Variants in GAP43 observed in about 807,000 individuals in gnomAD.
The protein encoded by GAP43 is growth associated protein 43.
A neutral mutation model predicts 18.6 loss-of-function variants in GAP43; 6 were observed. That is an observed-to-expected ratio of 0.32 (90% CI 0.18 to 0.64). GAP43 has a LOEUF of 0.64. Among genes scored for constraint, GAP43 ranks in the 30% least tolerant of loss-of-function variants. The pLI, the probability that GAP43 is intolerant of heterozygous loss-of-function variation, is 0.78. For missense variants in GAP43, 292 were observed against 295.5 expected, an observed-to-expected ratio of 0.99 and a Z score of 0.09; for synonymous variants, 115 against 111.4, an observed-to-expected ratio of 1.03 and a Z score of -0.20.
chr3:115,718,727 C>T (rs534132774), intron 2 of GAP43, among the ~76,000 whole-genome samples: 3 of 152,260 alleles, frequency 2.0e-5, no homozygotes, highest in South Asian at 2.1e-4. Context: ...AATTACCCAT[C>T]GTAGCTGCTT....
At chr3:115,635,362 A>C (rs568294336) in intron 1 of GAP43, among the ~76,000 whole-genome samples, 1 of 152,266 alleles carries the variant, frequency 6.6e-6, no homozygotes, top group African/African-American at 2.4e-5. Flanking sequence ...TTGTGCATCC[A>C]TAATGTTGGA....
In GAP43 at chr3:115,663,896, T is replaced by C. The variant is rs909130489; in HGVS notation, c.31-12117T>C. 6 of 1,551,992 alleles carry C rather than the reference T, an allele frequency of 3.9e-6. No homozygotes were observed. In the African/African-American group the frequency reaches 8.2e-5, roughly 21 times the overall value. On this transcript the variant is annotated intron_variant, in intron 1 of 2. Coordinates refer to ENST00000305124, the MANE Select transcript of GAP43 (RefSeq NM_002045.4). Reference sequence around the variant, plus strand: ...ACCTAGTCCTTATTCACTTGGCTTCTTGACTTTCTGGATTTCAAGGGTAAT... The same window carrying C: ...ACCTAGTCCTTATTCACTTGGCTTCCTGACTTTCTGGATTTCAAGGGTAAT...
At chr3:115,708,595 A>G (rs1303545183) in intron 2 of GAP43, among the ~76,000 whole-genome samples, 4 of 152,338 alleles carry the variant, frequency 2.6e-5, no homozygotes, top group Non-Finnish European at 5.9e-5. Flanking sequence ...GCCTGATCCA[A>G]CAGAGAGCTC....
intron 2 of GAP43, among the ~76,000 whole-genome samples, chr3:115,718,971 G>GTC (rs780416269): frequency 3.3e-5 from 5 of 152,076 alleles, no homozygotes; most frequent in Non-Finnish European, 7.4e-5. Context: ...TCTTTTAATG[G>GTC]TCTCCTTAAT....
At chr3:115,683,838 A>T (rs12634436) in intron 2 of GAP43, among the ~76,000 whole-genome samples, 23,943 of 152,030 alleles carry the variant, frequency 0.16, 2,162 homozygotes, top group East Asian at 0.35. Context: ...TCTTTTTTTT[A>T]AAACTCTACA....
At position 115,720,786 on chromosome 3, in the gene GAP43, T is replaced by C. The variant is rs766075446; in HGVS notation, c.629-8T>C. The C allele has an allele frequency of 2.5e-6, 4 of 1,607,954 alleles. No homozygotes were observed. On this transcript the variant is annotated splice_region_variant and splice_polypyrimidine_tract_variant and intron_variant, in intron 2 of 2. Transcript: ENST00000305124. ...TTTCCCCCCATCCTATCTTGTTTTC[T>C]TTCTCAGAAGCTGTAGATGAAACCA...
At chr3:115,653,138 G>C (rs994464039) in intron 1 of GAP43, among the ~76,000 whole-genome samples, 9 of 152,042 alleles carry the variant, frequency 5.9e-5, no homozygotes, top group Non-Finnish European at 1.3e-4. Flanking sequence ...TTGTCTTTTT[G>C]CCCAAAATAT....
At chr3:115,668,284 A>G (rs1366930631) in intron 1 of GAP43, among the ~76,000 whole-genome samples, 2 of 152,136 alleles carry the variant, frequency 1.3e-5, no homozygotes, top group Admixed American at 1.3e-4. Context: ...TGTTTAGGGA[A>G]GGAGACTTCC....
rs188004935 is a variant in GAP43, at chr3:115,698,116, A to T, written c.628+21506A>T. 4.9e-3 allele frequency among the ~76,000 whole-genome samples: 80 copies of T among 16,340 alleles called. 2 individuals are homozygous for T. The highest frequency in any genetic ancestry group is 0.062 in the Middle Eastern group (1 of 16). 10.7% of individuals were successfully genotyped at this position (16,340 alleles called of 152,430 possible). A position where few individuals can be genotyped will look rare whatever the true frequency, so the allele number is the denominator to read the frequency against. ...TTATATATAATATATAAAATATATA[A>T]TATATATTATATATAATATATATAA... On this transcript the variant is annotated intron_variant, in intron 2 of 2. Coordinates refer to ENST00000305124, the MANE Select transcript of GAP43 (RefSeq NM_002045.4).
intron 1 of GAP43, among the ~76,000 whole-genome samples, chr3:115,632,299 T>A (rs1708270160): frequency 6.6e-6 from 1 of 152,084 alleles, no homozygotes. Flanking sequence ...ACTGAAAATG[T>A]AGATACAGTT....
At chr3:115,627,969 T>C (rs545412165) in intron 1 of GAP43, among the ~76,000 whole-genome samples, 1 of 152,270 alleles carries the variant, frequency 6.6e-6, no homozygotes, top group African/African-American at 2.4e-5. Flanking sequence ...TTTCCTTCTG[T>C]AGAATGAAGA....
At chr3:115,641,543 C>CACACAT (rs148731356) in intron 1 of GAP43, among the ~76,000 whole-genome samples, 5,316 of 150,300 alleles carry the variant, frequency 0.035, 246 homozygotes, top group African/African-American at 0.098. Context: ...CACACACACA[C>CACACAT]GGTGCTTTCC....
rs190281918 is a variant in GAP43, at chr3:115,717,767, T to C, written c.629-3027T>C. On this transcript the variant is annotated intron_variant, in intron 2 of 2. Coordinates refer to ENST00000305124, the MANE Select transcript of GAP43 (RefSeq NM_002045.4). ...ACAAATAAATTAATAAATATTTACA[T>C]TTAAAATACTTTGAAGCATTTGAGA... Among the ~76,000 whole-genome samples, 12 of 152,122 alleles carry C rather than the reference T, an allele frequency of 7.9e-5. No homozygotes were observed. The East Asian group carries it at 2.3e-3, about 29-fold the overall frequency.
chr3:115,693,180 GCAGCCTCC>G (rs1274339956), intron 2 of GAP43, among the ~76,000 whole-genome samples: 1 of 152,176 alleles, frequency 6.6e-6, no homozygotes, highest in Non-Finnish European at 1.5e-5. Flanking sequence ...CAGGCCCACT[GCAGCCTCC>G]AGGCTGGATT....
intron 1 of GAP43, among the ~76,000 whole-genome samples, chr3:115,665,366 T>G (rs187161238): frequency 6.6e-6 from 1 of 152,320 alleles, no homozygotes; most frequent in East Asian, 1.9e-4. Context: ...GAGTGTTCAT[T>G]GTTGAATTCT....
At chr3:115,706,847 G>A (rs1709370558) in intron 2 of GAP43, among the ~76,000 whole-genome samples, 1 of 152,180 alleles carries the variant, frequency 6.6e-6, no homozygotes, top group Admixed American at 6.5e-5. Context: ...GATTGGATAA[G>A]CATAAGTTAG....
At chr3:115,627,528 C>T (rs1708205411) in intron 1 of GAP43, among the ~76,000 whole-genome samples, 1 of 151,694 alleles carries the variant, frequency 6.6e-6, no homozygotes, top group African/African-American at 2.4e-5. Context: ...AATTAATCCA[C>T]AGACTTCAGA....
At chr3:115,686,294 CAT>C (rs1261469910) in intron 2 of GAP43, among the ~76,000 whole-genome samples, 1 of 152,222 alleles carries the variant, frequency 6.6e-6, no homozygotes, top group Non-Finnish European at 1.5e-5. Context: ...TGTAAAACCA[CAT>C]AGTTATGTAC....
chr3:115,695,093 T>C (rs1195945565), intron 2 of GAP43, among the ~76,000 whole-genome samples: 1 of 152,234 alleles, frequency 6.6e-6, no homozygotes, highest in Non-Finnish European at 1.5e-5. Flanking sequence ...CAAAGTGCTT[T>C]ACATAAACTA....
Sources: gnomAD v4.1 joint callset for allele counts (sites outside exome capture counted in the v4.1 genomes callset) on GRCh38, gnomAD v4.1.1 for gene constraint, MANE v1.5 for transcripts, NCBI Gene and HGNC (gene_info 2026-07-23, HGNC 2026-07-21) for gene names.